The following GRID2 variants were observed in gnomAD, a reference collection of about 807,000 sequenced individuals.
GRID2 encodes the protein glutamate ionotropic receptor delta type subunit 2.
A neutral mutation model predicts 114.8 loss-of-function variants in GRID2; 33 were observed. The observed-to-expected ratio is 0.29, with a 90% CI of 0.22 to 0.38. The LOEUF (loss-of-function observed/expected upper bound fraction) is 0.38. GRID2 is among the 10% of genes least tolerant of loss of function. The probability of loss-of-function intolerance (pLI) is 1.00; values close to 1 mark genes in which losing one functional copy is unlikely to be tolerated. For synonymous variants in GRID2, 505 were observed against 449.9 expected (o/e 1.12, Z -1.55); for missense variants, 1,184 against 1,257.7 (o/e 0.94, Z 0.89).
intron 2 of GRID2, among the ~76,000 whole-genome samples, chr4:92,923,976 A>G (rs1276972619): frequency 2.0e-5 from 3 of 152,170 alleles, no homozygotes; most frequent in Admixed American, 6.5e-5. Context: ...ACTATTCACA[A>G]TAGCAAAGAC....
chr4:92,502,750 C>T (rs1463296668), intron 1 of GRID2, among the ~76,000 whole-genome samples: 2 of 115,570 alleles, frequency 1.7e-5, no homozygotes, highest in East Asian at 2.9e-4. Context: ...CGAAGTCTTG[C>T]TCTGTCACCC....
chr4:93,698,314 A>G (rs898959702), intron 14 of GRID2, among the ~76,000 whole-genome samples: 1 of 152,108 alleles, frequency 6.6e-6, no homozygotes, highest in Non-Finnish European at 1.5e-5. Flanking sequence ...TAACTGCTGT[A>G]TAACAACATT....
In GRID2 at chr4:93,181,887, C is replaced by T. The variant is rs375848413; in HGVS notation, c.736-25517C>T. Among the ~76,000 whole-genome samples, 17 of 152,082 alleles carry T rather than the reference C, an allele frequency of 1.1e-4. 1 individual carries two copies. In the South Asian group the frequency reaches 1.5e-3, roughly 13 times the overall value. The stretch of plus-strand genomic sequence containing the variant: ...GATTTTAAAATATAGTGTAACAAAC[C>T]CTAGTTTATCTTAATAAAAATCCTT... On this transcript the variant is annotated intron_variant, in intron 4 of 15. Coordinates refer to ENST00000282020, the MANE Select transcript of GRID2 (RefSeq NM_001510.4).
At chr4:93,607,618 G>C (rs1740386803) in intron 13 of GRID2, among the ~76,000 whole-genome samples, 1 of 152,066 alleles carries the variant, frequency 6.6e-6, no homozygotes, top group Admixed American at 6.6e-5. Flanking sequence ...TGTTGCTTTT[G>C]AAAAAGGCTA....
chr4:93,507,592 A>G (rs976113324), intron 12 of GRID2, among the ~76,000 whole-genome samples: 2 of 152,204 alleles, frequency 1.3e-5, no homozygotes, highest in African/African-American at 2.4e-5. Flanking sequence ...AAGCATTTCA[A>G]TTAAGCAATT....
In GRID2 at chr4:93,724,905, G is replaced by A. The variant is rs564426868; in HGVS notation, c.2361-44305G>A. Reference sequence around the variant, plus strand: ...AGGGATTCTCCTGCCTCAGCCTCCCGAGTAGCTGGGATTATAGGTGTGCAC... The same window carrying A: ...AGGGATTCTCCTGCCTCAGCCTCCCAAGTAGCTGGGATTATAGGTGTGCAC... On this transcript the variant is annotated intron_variant, in intron 14 of 15. Transcript: ENST00000282020. Among the ~76,000 whole-genome samples, 357 of 152,148 alleles carry A rather than the reference G, an allele frequency of 2.3e-3. 4 individuals are homozygous for A. Among genetic ancestry groups the A allele is most frequent in the Middle Eastern group, 0.014 (4 of 294 alleles).
intron 13 of GRID2, among the ~76,000 whole-genome samples, chr4:93,523,749 C>A (rs1362089175): frequency 2.0e-5 from 3 of 152,104 alleles, no homozygotes; most frequent in Non-Finnish European, 4.4e-5. Flanking sequence ...ATCTCACCAG[C>A]AGCTGAAAGT....
At chr4:92,438,741 G>T (rs1300581109) in intron 1 of GRID2, among the ~76,000 whole-genome samples, 1 of 152,102 alleles carries the variant, frequency 6.6e-6, no homozygotes, top group African/African-American at 2.4e-5. Flanking sequence ...GGAGAAAGTT[G>T]TATTTTTGAA....
chr4:93,785,390 G>A (rs1385528224), intron 1 of GRID2, among the ~76,000 whole-genome samples: 2 of 152,168 alleles, frequency 1.3e-5, no homozygotes, highest in East Asian at 3.9e-4. Context: ...GCTCCCTAGA[G>A]AATGGGATTC....
At chr4:92,536,946 G>C (rs1233489512) in intron 1 of GRID2, among the ~76,000 whole-genome samples, 1 of 152,066 alleles carries the variant, frequency 6.6e-6, no homozygotes, top group East Asian at 1.9e-4. Context: ...AACATAACAC[G>C]TTCAGGAGAC....
chr4:93,523,260 G>C (rs1730511713), intron 13 of GRID2, among the ~76,000 whole-genome samples: 1 of 152,020 alleles, frequency 6.6e-6, no homozygotes, highest in African/African-American at 2.4e-5. Flanking sequence ...AAAGTAAAAG[G>C]AAATTTCAAA....
intron 8 of GRID2, among the ~76,000 whole-genome samples, chr4:93,260,007 A>G (rs1750077860): frequency 6.6e-6 from 1 of 151,766 alleles, no homozygotes; most frequent in South Asian, 2.1e-4. Flanking sequence ...TCATGGGAAG[A>G]CTTAGGTAAA....
intron 8 of GRID2, among the ~76,000 whole-genome samples, chr4:93,244,561 CTAT>C (rs1466734444): frequency 3.4e-5 from 1 of 29,274 alleles, no homozygotes; most frequent in African/African-American, 1.4e-4. Context: ...ATTATATAAT[CTAT>C]TATATATTAA....
At chr4:93,207,243 C>T (rs532826986) in intron 4 of GRID2, among the ~76,000 whole-genome samples, 161 bp from the exon 5 acceptor site, 1 of 152,082 alleles carries the variant, frequency 6.6e-6, no homozygotes, top group African/African-American at 2.4e-5. Flanking sequence ...AATGCAAATG[C>T]ATCTACAGTG....
intron 2 of GRID2, among the ~76,000 whole-genome samples, chr4:92,950,589 G>T (rs142104487): frequency 1.3e-5 from 2 of 152,138 alleles, no homozygotes; most frequent in Non-Finnish European, 2.9e-5. Flanking sequence ...AGAAGAAACT[G>T]GGTTAGTCAC....
intron 2 of GRID2, among the ~76,000 whole-genome samples, chr4:92,995,957 T>C (rs1475106064): frequency 1.3e-5 from 2 of 152,176 alleles, no homozygotes; most frequent in Non-Finnish European, 2.9e-5. Flanking sequence ...GTTTTTTTTT[T>C]TCTATTCTAA....
chr4:92,897,284 A>T (rs1396643208), intron 2 of GRID2, among the ~76,000 whole-genome samples: 1 of 152,168 alleles, frequency 6.6e-6, no homozygotes, highest in African/African-American at 2.4e-5. Context: ...AGTTCTCTGC[A>T]CTAATTTCAA....
intron 4 of GRID2, among the ~76,000 whole-genome samples, chr4:93,130,422 G>A (rs1209188852): frequency 6.6e-6 from 1 of 152,100 alleles, no homozygotes; most frequent in Non-Finnish European, 1.5e-5. Flanking sequence ...CCAGCCTGGA[G>A]TACAGAGCAA....
At chr4:93,300,785 G>C (rs986371965) in intron 8 of GRID2, among the ~76,000 whole-genome samples, 1 of 152,118 alleles carries the variant, frequency 6.6e-6, no homozygotes, top group Non-Finnish European at 1.5e-5. Context: ...TGCACAATTT[G>C]TGCCCCTTTT....
Sources: allele counts gnomAD v4.1 joint callset (sites outside exome capture counted in the v4.1 genomes callset), GRCh38; gene constraint gnomAD v4.1.1; transcripts MANE v1.5; gene names NCBI Gene and HGNC (gene_info 2026-07-23, HGNC 2026-07-21).